ANO5: variants seen among roughly 807,000 people sequenced by gnomAD.
ANO5 encodes the protein anoctamin 5.
ANO5 carries 109 observed loss-of-function variants against 121.0 expected under a neutral mutation model. The observed-to-expected ratio is 0.90, with a 90% CI of 0.77 to 1.06. The LOEUF (loss-of-function observed/expected upper bound fraction) is 1.06. Among genes scored for constraint, ANO5 ranks in the 50% least tolerant of loss-of-function variants. ANO5 has a pLI of 0.00. For missense variants in ANO5, 1,064 were observed against 1,078.5 expected (o/e 0.99, Z 0.19); for synonymous variants, 406 against 359.9 (o/e 1.13, Z -1.45).
At chr11:22,246,533 G>T (rs749339739) in intron 9 of ANO5, among the ~76,000 whole-genome samples, 10 of 151,958 alleles carry the variant, frequency 6.6e-5, no homozygotes, top group Non-Finnish European at 1.2e-4. Flanking sequence ...TTTGTGGGTA[G>T]ACTTGATAAA....
chr11:22,260,994 G>A (rs1854169395), intron 15 of ANO5, among the ~76,000 whole-genome samples: 1 of 152,132 alleles, frequency 6.6e-6, no homozygotes. Flanking sequence ...AATTAATATA[G>A]CCATTGAATT....
At position 22,250,226 on chromosome 11, in the gene ANO5, CTTTT is replaced by C. The variant is rs143977836; in HGVS notation, c.879-9_879-6del. ...TCCATATTCTGATTCTGTTTTTACTCTTTTTCACAGGAATTATTATGGAGAAAAA... is the reference window on the plus strand; with the variant it reads ...TCCATATTCTGATTCTGTTTTTACTCTCACAGGAATTATTATGGAGAAAAA... On this transcript the variant is annotated splice_region_variant and splice_polypyrimidine_tract_variant and intron_variant, in intron 9 of 21. Coordinates refer to ENST00000324559, the MANE Select transcript of ANO5 (RefSeq NM_213599.3). 1 of 1,567,294 alleles carries C rather than the reference CTTTT, an allele frequency of 6.4e-7. No individual in the cohort carries two copies. The highest frequency in any genetic ancestry group is 8.8e-7 in the Non-Finnish European group (1 of 1,141,200).
At chr11:22,218,115 T>TCTCACATACACACACACACACA (rs56810580) in intron 3 of ANO5, 131 bp from the exon 4 acceptor site, 9 of 607,672 alleles carry the variant, frequency 1.5e-5, no homozygotes, top group Non-Finnish European at 3.0e-6. Flanking sequence ...GTTTGAAATA[T>TCTCACATACACACACACACACA]CACACACACA....
chr11:22,218,152 T>A, intron 3 of ANO5, 94 bp from the exon 4 acceptor site: 1 of 797,882 alleles, frequency 1.3e-6, no homozygotes, highest in Non-Finnish European at 1.9e-6. Flanking sequence ...TATAAAATGA[T>A]CATACCAAGG....
chr11:22,274,863 C>T (rs1854774656), intron 20 of ANO5, 116 bp downstream of exon 20: 1 of 1,303,398 alleles, frequency 7.7e-7, no homozygotes, highest in Non-Finnish European at 1.1e-6. Flanking sequence ...CAACAAAAAT[C>T]CTGTATAAAT....
intron 9 of ANO5, among the ~76,000 whole-genome samples, chr11:22,246,807 G>C (rs1853634810): frequency 7.9e-6 from 1 of 127,146 alleles, no homozygotes; most frequent in South Asian, 2.6e-4. Flanking sequence ...GATGAGCCGA[G>C]ATCGCACCAC....
At position 22,225,067 on chromosome 11, in the gene ANO5, C is replaced by T. The variant is rs909313521; in HGVS notation, c.295-917C>T. Among the ~76,000 whole-genome samples the T allele has an allele frequency of 4.6e-5, 7 of 152,068 alleles. 1 individual carries two copies. Among genetic ancestry groups the T allele is most frequent in the African/African-American group, 1.7e-4 (7 of 41,500 alleles). On this transcript the variant is annotated intron_variant, in intron 5 of 21. Transcript: ENST00000324559. ...ATGCATTTATTACTACTGAACTATA[C>T]ACTTAAAAATGGTAAAGATGGTAAG...
At chr11:22,257,461 A>T (rs980276470) in intron 13 of ANO5, among the ~76,000 whole-genome samples, 2 of 152,096 alleles carry the variant, frequency 1.3e-5, no homozygotes, top group Non-Finnish European at 2.9e-5. Context: ...GTGTGTATCC[A>T]TTATGTTTCA....
intron 1 of ANO5, among the ~76,000 whole-genome samples, chr11:22,199,800 T>C (rs1260729437): frequency 1.3e-5 from 2 of 152,120 alleles, no homozygotes; most frequent in East Asian, 3.9e-4. Context: ...TAGAGATCTA[T>C]AGTTGAAAAG....
intron 13 of ANO5, among the ~76,000 whole-genome samples, chr11:22,256,911 A>G (rs1854019283): frequency 6.6e-6 from 1 of 152,174 alleles, no homozygotes; most frequent in Non-Finnish European, 1.5e-5. Flanking sequence ...GTACACAGTG[A>G]CATATATGCC....
chr11:22,270,299 T>C lies in ANO5; in HGVS notation c.1899-13T>C. 6.2e-7 allele frequency: 1 copy of C among 1,614,086 alleles called. No homozygotes were observed. The highest frequency in any genetic ancestry group is 1.1e-5 in the South Asian group (1 of 91,082). ...GTCCTATTTCATATATTAACTTTTA[T>C]CACTTCCAACAGCTTGGCTTTGAAT... On this transcript the variant is annotated splice_polypyrimidine_tract_variant and intron_variant, in intron 17 of 21. Coordinates refer to ENST00000324559, the MANE Select transcript of ANO5 (RefSeq NM_213599.3).
Position 22,280,590 on chromosome 11 carries a change from A to C in ANO5, c.*825A>C, listed in dbSNP as rs892011446. ...GATGCAGGACAATGTATATTGATTA[A>C]TTTGTTGATTTTAATTTAGAAAATT... On this transcript the variant is annotated 3_prime_UTR_variant, in exon 22 of 22. Transcript: ENST00000324559. 1 of 151,948 alleles carries C rather than the reference A, an allele frequency of 6.6e-6. No individual in the cohort carries two copies. Among genetic ancestry groups the C allele is most frequent in the African/African-American group, 2.4e-5 (1 of 41,452 alleles). 9.4% of individuals were successfully genotyped at this position (151,948 alleles called of 1,614,324 possible). A position where few individuals can be genotyped will look rare whatever the true frequency, so the allele number is the denominator to read the frequency against.
intron 1 of ANO5, among the ~76,000 whole-genome samples, chr11:22,197,291 G>A (rs1851841607): frequency 1.3e-5 from 2 of 151,536 alleles, no homozygotes; most frequent in Admixed American, 1.3e-4. Flanking sequence ...AGTTAATAGA[G>A]CACTTAATTA....
intron 10 of ANO5, 24 bp downstream of exon 10, chr11:22,250,395 A>T (rs750199426): frequency 6.2e-7 from 1 of 1,612,946 alleles, no homozygotes; most frequent in Non-Finnish European, 8.5e-7. Context: ...AGTTGCCCAG[A>T]TAGAGAAAAC....
chr11:22,207,418 A>G (rs1852152575), intron 2 of ANO5, among the ~76,000 whole-genome samples: 1 of 152,180 alleles, frequency 6.6e-6, no homozygotes, highest in Non-Finnish European at 1.5e-5. Flanking sequence ...GATTTTGGAC[A>G]AATGTGCAAA....
chr11:22,259,664 G>C lies in ANO5; in HGVS notation c.1553G>C (p.Gly518Ala), dbSNP rs201463445. 92 of 1,613,872 alleles carry C rather than the reference G, an allele frequency of 5.7e-5. No individual in the cohort carries two copies. Among genetic ancestry groups the C allele is most frequent in the Non-Finnish European group, 6.9e-5 (82 of 1,179,982 alleles). ...LTPQITTSLT[G>A]SCLNFIVILI... The stretch of plus-strand genomic sequence containing the variant: ...CCTCAGATAACCACATCACTCACAG[G>C]ATCATGCTTGAACTTTATTGTCATC... Residue 518 changes from glycine to alanine, a missense_variant, in exon 15 of 22, where the codon GGA becomes GCA. By Grantham distance (60) the Gly-to-Ala change is moderately conservative. Transcript: ENST00000324559.
rs1855027314 is a variant in ANO5, at chr11:22,280,092, T to C, written c.*327T>C. ...AGTAAGAAACACTGGCCTTGGGCTGTCCCATCACTTTCCAGTGCATCTATT... is the reference window on the plus strand; with the variant it reads ...AGTAAGAAACACTGGCCTTGGGCTGCCCCATCACTTTCCAGTGCATCTATT... On this transcript the variant is annotated 3_prime_UTR_variant, in exon 22 of 22. Coordinates refer to ENST00000324559, the MANE Select transcript of ANO5 (RefSeq NM_213599.3). The C allele has an allele frequency of 7.4e-6, 2 of 270,072 alleles. No individual in the cohort carries two copies. The highest frequency in any genetic ancestry group is 9.0e-5 in the East Asian group (1 of 11,140). 16.7% of individuals were successfully genotyped at this position (270,072 alleles called of 1,614,324 possible). A position where few individuals can be genotyped will look rare whatever the true frequency, so the allele number is the denominator to read the frequency against.
intron 3 of ANO5, among the ~76,000 whole-genome samples, chr11:22,216,699 A>G (rs11826860): frequency 0.055 from 8,345 of 151,860 alleles, 777 homozygotes; most frequent in African/African-American, 0.19. Flanking sequence ...TATAAATTCA[A>G]TTTCTCATAT....
At chr11:22,232,344 A>T (rs916308591) in intron 7 of ANO5, among the ~76,000 whole-genome samples, 1 of 151,880 alleles carries the variant, frequency 6.6e-6, no homozygotes, top group Admixed American at 6.6e-5. Flanking sequence ...AGTACCTGCT[A>T]AAGTCTCTGG....
Sources: allele counts gnomAD v4.1 joint callset (sites outside exome capture counted in the v4.1 genomes callset), GRCh38; gene constraint gnomAD v4.1.1; transcripts MANE v1.5; gene names NCBI Gene and HGNC (gene_info 2026-07-23, HGNC 2026-07-21).